The following PTPRT variants were observed in gnomAD, a reference collection of about 807,000 sequenced individuals.
PTPRT encodes the protein receptor-type tyrosine-protein phosphatase T.
Under a neutral mutation model 176.8 loss-of-function variants are expected in PTPRT, and 56 were observed. The observed-to-expected ratio is 0.32, with a 90% CI of 0.26 to 0.40. PTPRT has a LOEUF of 0.40. Among genes scored for constraint, PTPRT ranks in the 10% least tolerant of loss-of-function variants. PTPRT has a pLI of 1.00. For missense variants in PTPRT, 1,540 were observed against 1,908.2 expected, an observed-to-expected ratio of 0.81 and a Z score of 3.60; for synonymous variants, 783 against 739.0, an observed-to-expected ratio of 1.06 and a Z score of -0.96.
intron 11 of PTPRT, among the ~76,000 whole-genome samples, chr20:42,334,850 CA>C (rs2058018448): frequency 6.6e-6 from 1 of 152,134 alleles, no homozygotes; most frequent in Non-Finnish European, 1.5e-5. Flanking sequence ...CTGCAATAGA[CA>C]ATAATGTAAG....
intron 7 of PTPRT, among the ~76,000 whole-genome samples, chr20:42,501,885 G>C (rs2071756797): frequency 6.6e-6 from 1 of 151,956 alleles, no homozygotes; most frequent in South Asian, 2.1e-4. Context: ...TCCTGGTGTG[G>C]TTTTGATATC....
At chr20:42,376,253 C>G (rs2058647803) in intron 9 of PTPRT, among the ~76,000 whole-genome samples, 1 of 152,202 alleles carries the variant, frequency 6.6e-6, no homozygotes, top group Admixed American at 6.5e-5. Context: ...ACAGTTGATT[C>G]AGTACAAAAC....
At chr20:42,321,440 G>A (rs2057797070) in intron 11 of PTPRT, among the ~76,000 whole-genome samples, 1 of 152,098 alleles carries the variant, frequency 6.6e-6, no homozygotes, top group Non-Finnish European at 1.5e-5. Flanking sequence ...TTATACGCTT[G>A]CCCTTATGTT....
chr20:42,605,817 C>A (rs1181044929), intron 7 of PTPRT, among the ~76,000 whole-genome samples: 3 of 152,194 alleles, frequency 2.0e-5, no homozygotes, highest in Non-Finnish European at 4.4e-5. Flanking sequence ...TCACAGGTTT[C>A]AGGATGCATC....
chr20:42,548,028 T>C (rs189543759), intron 7 of PTPRT, among the ~76,000 whole-genome samples: 86 of 152,144 alleles, frequency 5.7e-4, no homozygotes, highest in Non-Finnish European at 1.1e-3. Context: ...TCCTAAGACC[T>C]ATATGAAGAC....
At chr20:43,183,793 C>T (rs1013356506) in intron 1 of PTPRT, among the ~76,000 whole-genome samples, 2 of 152,374 alleles carry the variant, frequency 1.3e-5, no homozygotes, top group African/African-American at 4.8e-5. Flanking sequence ...TATACAGTCT[C>T]TTACATCCAG....
intron 7 of PTPRT, among the ~76,000 whole-genome samples, chr20:42,644,363 C>T (rs2074837792): frequency 6.6e-6 from 1 of 152,148 alleles, no homozygotes; most frequent in Admixed American, 6.5e-5. Context: ...TACCTGAAAA[C>T]ATCATCCAAG....
chr20:43,154,896 T>C (rs2014472829), intron 1 of PTPRT, among the ~76,000 whole-genome samples: 1 of 152,026 alleles, frequency 6.6e-6, no homozygotes, highest in Non-Finnish European at 1.5e-5. Context: ...AAGACTCGAA[T>C]AGACATTGAT....
In PTPRT at chr20:42,366,257, G is replaced by A. The variant is rs1443077620; in HGVS notation, c.1561-13972C>T. Among the ~76,000 whole-genome samples, 3 of 152,340 alleles carry A rather than the reference G, an allele frequency of 2.0e-5. No individual in the cohort carries two copies. In the East Asian group the frequency reaches 5.8e-4, roughly 29 times the overall value. On this transcript the variant is annotated intron_variant, in intron 9 of 30. Coordinates refer to ENST00000373187, the MANE Select transcript of PTPRT (RefSeq NM_007050.6). ...AAACCAAGCCTCTCTTCCCTCCCCT[G>A]AGTGCCCATTGGCAGATGGGTGGTG...
At chr20:43,095,670 C>G (rs1600709385) in intron 1 of PTPRT, among the ~76,000 whole-genome samples, 1 of 148,080 alleles carries the variant, frequency 6.8e-6, no homozygotes, top group East Asian at 2.0e-4. Context: ...CCCTTTCTCT[C>G]TCCCTTCTCC....
At chr20:42,725,668 C>A (rs6016880) in intron 6 of PTPRT, among the ~76,000 whole-genome samples, 14,880 of 152,044 alleles carry the variant, frequency 0.098, 877 homozygotes, top group East Asian at 0.19. Flanking sequence ...CAAGAAACAA[C>A]AGATGCTGGC....
At chr20:42,215,444 C>T (rs1029137639) in intron 15 of PTPRT, among the ~76,000 whole-genome samples, 1 of 152,166 alleles carries the variant, frequency 6.6e-6, no homozygotes, top group Non-Finnish European at 1.5e-5. Context: ...AGATATGCAA[C>T]AAATGCTAGT....
chr20:42,633,958 ATATAATATAT>A (rs1346244643), intron 7 of PTPRT, among the ~76,000 whole-genome samples: 1 of 28,484 alleles, frequency 3.5e-5, no homozygotes, highest in East Asian at 9.5e-4. Flanking sequence ...ATATAATTAT[ATATAATATAT>A]TATAATATAT....
rs566732450 is a variant in PTPRT at position 42,306,638 on chromosome 20, G to A, written c.2139+9085C>T. On this transcript the variant is annotated intron_variant, in intron 12 of 30. Transcript: ENST00000373187. The stretch of plus-strand genomic sequence containing the variant: ...TAGTGACAAGTCAGCAAACGGTTAC[G>A]TGGGGGCCTCTGGGTCACAGCTCTC... 3.0e-4 allele frequency among the ~76,000 whole-genome samples: 46 copies of A among 152,284 alleles called. 1 individual carries two copies. The South Asian group carries it at 4.6e-3, about 15-fold the overall frequency.
chr20:42,164,501 T>G (rs1989743248), intron 16 of PTPRT, among the ~76,000 whole-genome samples: 1 of 152,248 alleles, frequency 6.6e-6, no homozygotes, highest in Non-Finnish European at 1.5e-5. Context: ...CAAGGGATTT[T>G]CAAGGTTTAT....
intron 7 of PTPRT, among the ~76,000 whole-genome samples, chr20:42,497,473 C>T (rs756168653): frequency 4.6e-5 from 7 of 151,964 alleles, no homozygotes; most frequent in Non-Finnish European, 1.0e-4. Flanking sequence ...TTGTTTGAGA[C>T]AAAGTCTCTC....
chr20:42,203,591 T>C (rs1000072127), intron 15 of PTPRT, among the ~76,000 whole-genome samples: 1 of 152,248 alleles, frequency 6.6e-6, no homozygotes, highest in Non-Finnish European at 1.5e-5. Context: ...TTCTCCCTGC[T>C]CTTCTACATA....
In PTPRT at chr20:42,750,740, T is replaced by C. The variant is rs983552920; in HGVS notation, c.859+5722A>G. ...ATGAATTAGAAAATTTTCATCAAGA[T>C]ACATCTGCATAACTTTGGTTGCAGA... On this transcript the variant is annotated intron_variant, in intron 6 of 30. Transcript: ENST00000373187. Among the ~76,000 whole-genome samples the C allele has an allele frequency of 6.6e-5, 10 of 152,148 alleles. No homozygotes were observed. The South Asian group carries it at 2.1e-3, about 32-fold the overall frequency.
At chr20:42,576,664 T>C (rs1329759927) in intron 7 of PTPRT, among the ~76,000 whole-genome samples, 1 of 152,184 alleles carries the variant, frequency 6.6e-6, no homozygotes, top group African/African-American at 2.4e-5. Flanking sequence ...AAAAAGAACC[T>C]GGCTTTCAGA....
Sources: gnomAD v4.1 joint callset for allele counts (sites outside exome capture counted in the v4.1 genomes callset) on GRCh38, gnomAD v4.1.1 for gene constraint, MANE v1.5 for transcripts, NCBI Gene and HGNC (gene_info 2026-07-23, HGNC 2026-07-21) for gene names.